Variants in GABRB1 observed in about 807,000 individuals in gnomAD.
The protein encoded by GABRB1 is gamma-aminobutyric acid receptor subunit beta-1.
A neutral mutation model predicts 51.6 loss-of-function variants in GABRB1; 17 were observed. That is an observed-to-expected ratio of 0.33 (90% CI 0.23 to 0.49). The LOEUF is 0.49. Among genes scored for constraint, GABRB1 ranks in the 20% least tolerant of loss-of-function variants. The pLI, the probability that GABRB1 is intolerant of heterozygous loss-of-function variation, is 0.99. For synonymous variants in GABRB1, 247 were observed against 218.9 expected (o/e 1.13, Z -1.14); for missense variants, 410 against 600.6 (o/e 0.68, Z 3.32).
intron 4 of GABRB1, among the ~76,000 whole-genome samples, chr4:47,187,840 T>A (rs1398721153): frequency 6.6e-6 from 1 of 151,938 alleles, no homozygotes. Context: ...ACATGCCAAG[T>A]GGACTTCTGC....
intron 4 of GABRB1, among the ~76,000 whole-genome samples, chr4:47,187,953 A>G (rs1050954612): frequency 6.6e-6 from 1 of 151,946 alleles, no homozygotes; most frequent in African/African-American, 2.4e-5. Flanking sequence ...ATGCCATCTA[A>G]TCACAGAGGT....
At chr4:47,096,392 T>C (rs2109597355) in intron 3 of GABRB1, among the ~76,000 whole-genome samples, 1 of 152,108 alleles carries the variant, frequency 6.6e-6, no homozygotes, top group Non-Finnish European at 1.5e-5. Flanking sequence ...CCCTGCAAAG[T>C]GTTTGTGGTT....
At chr4:47,390,204 T>C (rs1279775708) in intron 5 of GABRB1, among the ~76,000 whole-genome samples, 1 of 152,236 alleles carries the variant, frequency 6.6e-6, no homozygotes, top group Non-Finnish European at 1.5e-5. Context: ...GTTTTAGACC[T>C]GGATTGTTGC....
chr4:47,323,420 A>G (rs1725150823), intron 5 of GABRB1, among the ~76,000 whole-genome samples: 1 of 152,242 alleles, frequency 6.6e-6, no homozygotes, highest in African/African-American at 2.4e-5. Flanking sequence ...ACCTAAGTAC[A>G]TAATCAATAT....
At chr4:47,078,055 C>T (rs956575080) in intron 3 of GABRB1, among the ~76,000 whole-genome samples, 2 of 145,488 alleles carry the variant, frequency 1.4e-5, no homozygotes, top group African/African-American at 5.1e-5. Context: ...AATGGCATGA[C>T]CTTGGCTCAC....
At chr4:47,353,766 C>T (rs1382070463) in intron 5 of GABRB1, among the ~76,000 whole-genome samples, 1 of 152,214 alleles carries the variant, frequency 6.6e-6, no homozygotes, top group African/African-American at 2.4e-5. Flanking sequence ...ACATTCCCAT[C>T]TCCTTCCATT....
chr4:47,056,961 C>T (rs1259625051), intron 3 of GABRB1, among the ~76,000 whole-genome samples: 3 of 152,202 alleles, frequency 2.0e-5, no homozygotes, highest in East Asian at 3.9e-4. Context: ...CAAAAATTTG[C>T]TGGGCATGGT....
At chr4:47,231,440 T>G (rs1343605334) in intron 4 of GABRB1, among the ~76,000 whole-genome samples, 1 of 152,168 alleles carries the variant, frequency 6.6e-6, no homozygotes, top group Non-Finnish European at 1.5e-5. Context: ...CTGAAATCCA[T>G]GGCTCAATCA....
chr4:47,319,945 CCTGT>C (rs1725015757), intron 4 of GABRB1, among the ~76,000 whole-genome samples, 178 bp from the exon 5 acceptor site: 3 of 152,164 alleles, frequency 2.0e-5, no homozygotes. Context: ...TCCATTTCCA[CCTGT>C]CCATCTAGAT....
intron 3 of GABRB1, among the ~76,000 whole-genome samples, chr4:47,088,538 G>A (rs922740096): frequency 6.6e-6 from 1 of 152,162 alleles, no homozygotes; most frequent in African/African-American, 2.4e-5. Context: ...CAAGAAGAAA[G>A]TGCTACAAAT....
chr4:47,229,845 G>T (rs998274921), intron 4 of GABRB1, among the ~76,000 whole-genome samples: 5 of 152,032 alleles, frequency 3.3e-5, no homozygotes, highest in Non-Finnish European at 7.4e-5. Flanking sequence ...ACAAGAAATG[G>T]ATTTTTTCAC....
At chr4:47,377,900 G>C (rs1383108376) in intron 5 of GABRB1, among the ~76,000 whole-genome samples, 1 of 152,204 alleles carries the variant, frequency 6.6e-6, no homozygotes, top group Non-Finnish European at 1.5e-5. Flanking sequence ...ACAGAGTGCC[G>C]ATTGGTGTAT....
At chr4:47,075,741 A>G (rs777257631) in intron 3 of GABRB1, among the ~76,000 whole-genome samples, 7 of 152,218 alleles carry the variant, frequency 4.6e-5, no homozygotes, top group Admixed American at 1.3e-4. Context: ...TGAAAATAGT[A>G]TAAGTAAAAA....
At chr4:47,175,047 CCCTCCCTCCCTTCTTT>C (rs1219425029) in intron 4 of GABRB1, among the ~76,000 whole-genome samples, 6 of 146,454 alleles carry the variant, frequency 4.1e-5, no homozygotes, top group African/African-American at 1.5e-4. Context: ...CTCCCTCCTT[CCCTCCCTCCCTTCTTT>C]CCTTCCTCCT....
rs1337775966 is a variant in GABRB1 at position 47,032,083 on chromosome 4, AAAAG to A, written c.172+82_172+85del. On this transcript the variant is annotated intron_variant, in intron 2 of 8. Transcript: ENST00000295454. ...GTCAAAGATAAATGTCAAAAAAAAA[AAAAG>A]AAAAGGCATGTCATTTTCGTAAGCG... 630 of 928,532 alleles carry A rather than the reference AAAAG, an allele frequency of 6.8e-4. 17 individuals carry two copies. Among genetic ancestry groups the A allele is most frequent in the East Asian group, 1.2e-3 (44 of 36,754 alleles). 57.5% of individuals were successfully genotyped at this position (928,532 alleles called of 1,614,324 possible). A position where few individuals can be genotyped will look rare whatever the true frequency, so the allele number is the denominator to read the frequency against.
chr4:47,118,016 A>G (rs1263229392), intron 3 of GABRB1, among the ~76,000 whole-genome samples: 1 of 152,202 alleles, frequency 6.6e-6, no homozygotes, highest in African/African-American at 2.4e-5. Context: ...TCAGCACCCA[A>G]AATAGAACCT....
intron 4 of GABRB1, among the ~76,000 whole-genome samples, chr4:47,289,604 T>C (rs1251317765): frequency 2.0e-5 from 3 of 152,198 alleles, no homozygotes; most frequent in Non-Finnish European, 4.4e-5. Flanking sequence ...ACTAAAATAG[T>C]ATTGGAAGGA....
chr4:47,267,230 C>A (rs1231672714), intron 4 of GABRB1, among the ~76,000 whole-genome samples: 1 of 151,592 alleles, frequency 6.6e-6, no homozygotes, highest in South Asian at 2.1e-4. Flanking sequence ...TTAAAAAGTG[C>A]CTTCATAGAA....
At chr4:47,397,622 A>G (rs775708169) in intron 5 of GABRB1, among the ~76,000 whole-genome samples, 1 of 151,696 alleles carries the variant, frequency 6.6e-6, no homozygotes, top group Admixed American at 6.6e-5. Context: ...GCTGGAGTGC[A>G]GTGGTGAAAT....
Sources: allele counts gnomAD v4.1 joint callset (sites outside exome capture counted in the v4.1 genomes callset), GRCh38; gene constraint gnomAD v4.1.1; transcripts MANE v1.5; gene names NCBI Gene and HGNC (gene_info 2026-07-23, HGNC 2026-07-21).